Variants in ERC2 observed in about 807,000 individuals in gnomAD.
ERC2 encodes the protein ERC protein 2.
Under a neutral mutation model 114.8 loss-of-function variants are expected in ERC2, and 42 were observed. The ratio of observed to expected loss-of-function variants is 0.37; its 90% CI spans 0.29 to 0.47. ERC2 has a LOEUF of 0.47. ERC2 is among the 20% of genes least tolerant of loss of function. The pLI is 0.99. For synonymous variants in ERC2, 454 were observed against 425.5 expected (o/e 1.07, Z -0.82); for missense variants, 939 against 1,150.7 (o/e 0.82, Z 2.66).
chr3:56,163,827 C>T (rs1198814036), intron 4 of ERC2, among the ~76,000 whole-genome samples: 1 of 152,046 alleles, frequency 6.6e-6, no homozygotes, highest in East Asian at 1.9e-4. Flanking sequence ...CAACTTTTCA[C>T]TCTGTGCCTT....
At chr3:56,210,053 T>C (rs992189533) in intron 3 of ERC2, among the ~76,000 whole-genome samples, 2 of 152,214 alleles carry the variant, frequency 1.3e-5, no homozygotes, top group Non-Finnish European at 2.9e-5. Flanking sequence ...GTGGGAGATA[T>C]GTAAACATAT....
chr3:56,228,306 C>A (rs913847976), intron 3 of ERC2, among the ~76,000 whole-genome samples: 22 of 152,172 alleles, frequency 1.4e-4, no homozygotes, highest in Admixed American at 1.2e-3. Flanking sequence ...CATCCATCTC[C>A]GGAACTTCCC....
intron 14 of ERC2, among the ~76,000 whole-genome samples, chr3:55,763,932 T>C (rs1270212918): frequency 1.3e-5 from 2 of 152,226 alleles, no homozygotes; most frequent in Non-Finnish European, 2.9e-5. Flanking sequence ...AAAATAAATG[T>C]TGGCTTCTCA....
chr3:56,184,520 C>G (rs1240344736), intron 3 of ERC2, among the ~76,000 whole-genome samples: 1 of 152,130 alleles, frequency 6.6e-6, no homozygotes, highest in African/African-American at 2.4e-5. Flanking sequence ...ATTTGCTCTG[C>G]ACAGCATTCC....
At chr3:56,101,346 G>C (rs565170617) in intron 6 of ERC2, among the ~76,000 whole-genome samples, 2 of 146,628 alleles carry the variant, frequency 1.4e-5, no homozygotes, top group South Asian at 4.3e-4. Context: ...CAGAAAGAGA[G>C]ACTGTTTTCC....
At chr3:56,215,802 A>T (rs376322282) in intron 3 of ERC2, among the ~76,000 whole-genome samples, 3 of 152,212 alleles carry the variant, frequency 2.0e-5, no homozygotes, top group Non-Finnish European at 4.4e-5. Flanking sequence ...TCTCTCAGAC[A>T]ACAGTGCAAT....
At chr3:55,709,585 C>A (rs550887659) in intron 15 of ERC2, among the ~76,000 whole-genome samples, 4 of 152,150 alleles carry the variant, frequency 2.6e-5, no homozygotes, top group Non-Finnish European at 4.4e-5. Flanking sequence ...TGTGGGAGGA[C>A]GGAAGGACGC....
At chr3:56,364,259 C>T (rs1487621712) in intron 2 of ERC2, among the ~76,000 whole-genome samples, 1 of 152,052 alleles carries the variant, frequency 6.6e-6, no homozygotes, top group African/African-American at 2.4e-5. Context: ...AGAGCTATTG[C>T]TAAGTGGTTA....
chr3:55,521,162 G>C (rs896086967), intron 17 of ERC2, among the ~76,000 whole-genome samples: 5 of 152,192 alleles, frequency 3.3e-5, no homozygotes, highest in African/African-American at 1.2e-4. Flanking sequence ...TAGGGGTCTC[G>C]TTTGAAGATC....
chr3:56,128,478 C>A (rs2080016580), intron 6 of ERC2, among the ~76,000 whole-genome samples: 1 of 152,150 alleles, frequency 6.6e-6, no homozygotes, highest in Admixed American at 6.6e-5. Flanking sequence ...TCTAAGTGCT[C>A]CATGTCTTTC....
intron 3 of ERC2, among the ~76,000 whole-genome samples, chr3:56,248,030 T>C (rs1484458344): frequency 6.6e-6 from 1 of 152,204 alleles, no homozygotes; most frequent in East Asian, 1.9e-4. Context: ...AGTAAACCTA[T>C]CTTCCTCTAA....
intron 11 of ERC2, among the ~76,000 whole-genome samples, chr3:55,989,316 A>G (rs569565588): frequency 2.0e-5 from 3 of 152,380 alleles, no homozygotes; most frequent in East Asian, 3.9e-4. Flanking sequence ...TTTAAAGGCA[A>G]TAGTGTCCAG....
chr3:56,187,313 T>C (rs1373185084), intron 3 of ERC2, among the ~76,000 whole-genome samples: 1 of 152,156 alleles, frequency 6.6e-6, no homozygotes, highest in Non-Finnish European at 1.5e-5. Context: ...GATGGGTGCA[T>C]CTGCCCAGCA....
chr3:56,022,838 C>T (rs1045156756), intron 7 of ERC2, among the ~76,000 whole-genome samples: 2 of 152,044 alleles, frequency 1.3e-5, no homozygotes, highest in Middle Eastern at 3.2e-3. Flanking sequence ...AGAGAGAAAC[C>T]CTGCCCTTGC....
At chr3:56,418,881 C>T (rs2061277153) in intron 2 of ERC2, among the ~76,000 whole-genome samples, 1 of 152,204 alleles carries the variant, frequency 6.6e-6, no homozygotes, top group Admixed American at 6.5e-5. Flanking sequence ...CTCTTAGACT[C>T]TGGCTAGGCT....
chr3:56,270,954 C>G (rs911984617), intron 3 of ERC2, among the ~76,000 whole-genome samples: 1 of 152,170 alleles, frequency 6.6e-6, no homozygotes, highest in African/African-American at 2.4e-5. Context: ...TGCACTCCAG[C>G]CTGGGAAACA....
At chr3:55,926,233 G>A (rs2065738882) in intron 13 of ERC2, among the ~76,000 whole-genome samples, 1 of 151,952 alleles carries the variant, frequency 6.6e-6, no homozygotes, top group South Asian at 2.1e-4. Flanking sequence ...AATTTAAAAA[G>A]ACATGTAGGA....
chr3:56,336,975 T>C (rs957887678), intron 2 of ERC2, among the ~76,000 whole-genome samples: 4 of 152,150 alleles, frequency 2.6e-5, no homozygotes, highest in Admixed American at 2.6e-4. Context: ...TAGAAAAACA[T>C]ATGAATATTT....
chr3:56,325,939 G>T (rs1288019671), intron 2 of ERC2, among the ~76,000 whole-genome samples: 1 of 151,954 alleles, frequency 6.6e-6, no homozygotes, highest in East Asian at 1.9e-4. Context: ...TGAATGACTG[G>T]ATAATGAACT....
Sources: allele counts gnomAD v4.1 joint callset (sites outside exome capture counted in the v4.1 genomes callset), GRCh38; gene constraint gnomAD v4.1.1; transcripts MANE v1.5; gene names NCBI Gene and HGNC (gene_info 2026-07-23, HGNC 2026-07-21).